DCAF1: variants seen among roughly 807,000 people sequenced by gnomAD.
DCAF1 encodes the protein DDB1 and CUL4 associated factor 1.
Under a neutral mutation model 128.0 loss-of-function variants are expected in DCAF1, and 15 were observed. That is an observed-to-expected ratio of 0.12 (90% confidence interval 0.08 to 0.18). The LOEUF is 0.18. DCAF1 is among the 10% of genes least tolerant of loss of function. The pLI is 1.00. For synonymous variants in DCAF1, 610 were observed against 603.0 expected (o/e 1.01, Z -0.17); for missense variants, 988 against 1,649.5 (o/e 0.60, Z 6.95).
intron 13 of DCAF1, among the ~76,000 whole-genome samples, chr3:51,425,573 T>C (rs1469873409): frequency 6.9e-6 from 1 of 144,516 alleles, no homozygotes; most frequent in African/African-American, 2.5e-5. Flanking sequence ...TTTTTTTTTT[T>C]TTTTTTGGAG....
intron 6 of DCAF1, among the ~76,000 whole-genome samples, chr3:51,450,774 G>A (rs1482325178): frequency 6.6e-6 from 1 of 152,090 alleles, no homozygotes; most frequent in African/African-American, 2.4e-5. Context: ...GAGCCACCAC[G>A]CCTGGTCAAG....
intron 10 of DCAF1, 37 bp downstream of exon 10, chr3:51,433,069 C>T (rs1436081172): frequency 1.3e-5 from 5 of 398,368 alleles, no homozygotes; most frequent in Non-Finnish European, 2.2e-5. Context: ...TATCCCCAAC[C>T]TAATCTCATC....
In DCAF1 at chr3:51,398,608, CGGG is replaced by C. The variant is rs1208287708; in HGVS notation, c.*158_*160del. ...TGGTTATTGATTCTGGAAGGACCCT[CGGG>C]TGCCAATGAGGCTCTCTAAGCCATA... On this transcript the variant is annotated 3_prime_UTR_variant, in exon 25 of 25. Transcript: ENST00000684031. The C allele has an allele frequency of 2.3e-6, 2 of 886,830 alleles. No individual in the cohort carries two copies. The highest frequency in any genetic ancestry group is 3.4e-6 in the Non-Finnish European group (2 of 590,660). The allele number at this position is 886,830 out of a possible 1,614,324, so 54.9% of individuals were successfully genotyped here. A position where few individuals can be genotyped will look rare whatever the true frequency, so the allele number is the denominator to read the frequency against.
chr3:51,469,483 GCCTC>G (rs1553647728), intron 4 of DCAF1, among the ~76,000 whole-genome samples: 1 of 151,708 alleles, frequency 6.6e-6, no homozygotes, highest in Non-Finnish European at 1.5e-5. Flanking sequence ...TCCTGCCTCG[GCCTC>G]CCAAAGTGCT....
intron 2 of DCAF1, among the ~76,000 whole-genome samples, chr3:51,486,580 A>G (rs1706982740): frequency 6.6e-6 from 1 of 152,082 alleles, no homozygotes; most frequent in African/African-American, 2.4e-5. Context: ...TCAACCTGAG[A>G]AAACTCAGGT....
intron 23 of DCAF1, among the ~76,000 whole-genome samples, chr3:51,412,110 A>AT (rs1698484274): frequency 9.0e-6 from 1 of 111,644 alleles, no homozygotes; most frequent in South Asian, 2.7e-4. Context: ...ACTCCATTCT[A>AT]AAAAAAAAAA....
chr3:51,398,918 C>A, intron 24 of DCAF1, 91 bp from the exon 25 acceptor site: 1 of 1,481,232 alleles, frequency 6.8e-7, no homozygotes, highest in Non-Finnish European at 9.1e-7. Context: ...TACATTCATG[C>A]CCGAGCAAGG....
chr3:51,480,132 TTAA>T (rs1480304584), intron 3 of DCAF1, among the ~76,000 whole-genome samples: 1 of 151,752 alleles, frequency 6.6e-6, no homozygotes, highest in Non-Finnish European at 1.5e-5. Flanking sequence ...AAAATTTTTT[TTAA>T]TGATGGGGAG....
chr3:51,443,600 A>G (rs958036866), intron 7 of DCAF1, among the ~76,000 whole-genome samples, 166 bp downstream of exon 7: 1 of 152,128 alleles, frequency 6.6e-6, no homozygotes, highest in Non-Finnish European at 1.5e-5. Flanking sequence ...AAAAAAAAAA[A>G]AAGCTATTTT....
chr3:51,477,081 C>G (rs548288888), intron 3 of DCAF1, among the ~76,000 whole-genome samples: 30 of 151,494 alleles, frequency 2.0e-4, no homozygotes, highest in Non-Finnish European at 4.1e-4. Flanking sequence ...GACTCCATCT[C>G]AAAACAAAAC....
intron 4 of DCAF1, among the ~76,000 whole-genome samples, chr3:51,467,778 C>T (rs1553647049): frequency 6.6e-6 from 1 of 152,192 alleles, no homozygotes; most frequent in East Asian, 1.9e-4. Flanking sequence ...CAAATGAGCA[C>T]TAGATCCAGA....
intron 4 of DCAF1, among the ~76,000 whole-genome samples, chr3:51,469,333 C>A (rs781852593): frequency 6.7e-5 from 10 of 148,266 alleles, no homozygotes; most frequent in Non-Finnish European, 1.3e-4. Context: ...TGGGTTCAAG[C>A]GATTCTCCTG....
intron 6 of DCAF1, among the ~76,000 whole-genome samples, chr3:51,457,966 A>G (rs1703107318): frequency 1.3e-5 from 2 of 152,356 alleles, no homozygotes; most frequent in East Asian, 3.9e-4. Context: ...AACATGCCAA[A>G]TTGTAAAGAC....
At chr3:51,442,532 T>C (rs1701454232) in intron 7 of DCAF1, among the ~76,000 whole-genome samples, 1 of 151,944 alleles carries the variant, frequency 6.6e-6, no homozygotes, top group East Asian at 1.9e-4. Context: ...ACCCCGTCTC[T>C]ACTAAAAATA....
chr3:51,441,127 C>T, intron 8 of DCAF1, 56 bp from the exon 9 acceptor site: 1 of 1,455,964 alleles, frequency 6.9e-7, no homozygotes, highest in Non-Finnish European at 9.5e-7. Flanking sequence ...CATGTATTTC[C>T]TATTCCACTC....
chr3:51,404,342 TA>T (rs536035283), intron 23 of DCAF1, among the ~76,000 whole-genome samples: 363 of 152,378 alleles, frequency 2.4e-3, no homozygotes, highest in Admixed American at 5.2e-3. Context: ...ATTCATTTAA[TA>T]CATCAACCTA....
At chr3:51,446,009 T>C (rs1701813424) in intron 6 of DCAF1, among the ~76,000 whole-genome samples, 1 of 150,510 alleles carries the variant, frequency 6.6e-6, no homozygotes, top group Admixed American at 6.6e-5. Flanking sequence ...TTTTTTTTTT[T>C]TCCAGACAGA....
chr3:51,470,674 T>C (rs1263088692), intron 4 of DCAF1, among the ~76,000 whole-genome samples: 1 of 152,210 alleles, frequency 6.6e-6, no homozygotes, highest in African/African-American at 2.4e-5. Context: ...AGGTTAGTTA[T>C]GTGATATTCG....
intron 9 of DCAF1, chr3:51,437,381 A>ACCC (rs1485535666): frequency 1 from 516,804 of 516,810 alleles, 258,399 homozygotes; most frequent in Middle Eastern, 1. Flanking sequence ...AAGTAAGATA[A>ACCC]GCAAGATCCC....
Sources: allele counts gnomAD v4.1 joint callset (sites outside exome capture counted in the v4.1 genomes callset), GRCh38; gene constraint gnomAD v4.1.1; transcripts MANE v1.5; gene names NCBI Gene and HGNC (gene_info 2026-07-23, HGNC 2026-07-21).